Variants in HSP90AB1 observed in about 807,000 individuals in gnomAD.
The protein encoded by HSP90AB1 is heat shock protein HSP 90-beta.
In HSP90AB1, 17 loss-of-function variants were observed where a neutral mutation model predicts 67.8. The observed-to-expected ratio is 0.25, with a 90% CI of 0.17 to 0.38. The LOEUF is 0.38. Ranked by LOEUF, HSP90AB1 falls within the 10% of genes least tolerant of loss-of-function variation. HSP90AB1 has a pLI of 1.00. For synonymous variants in HSP90AB1, 390 were observed against 312.9 expected (o/e 1.25, Z -2.60); for missense variants, 690 against 899.9 (o/e 0.77, Z 2.98).
chr6:44,250,328 A>G lies in HSP90AB1; in HGVS notation c.686A>G (p.Glu229Gly), dbSNP rs1393855728. ...CGAGAGAAGGAAATTAGTGATGATGAGGCAGAGGAAGAGAAAGGTGAGAAA... is the reference window on the plus strand; with the variant it reads ...CGAGAGAAGGAAATTAGTGATGATGGGGCAGAGGAAGAGAAAGGTGAGAAA... ...KEREKEISDD[E>G]AEEEKGEKEE... is the part of the protein sequence containing the mutation. The change falls in exon 6 of 12, where the codon GAG becomes GGG. Residue 229 changes from glutamate to glycine, a missense_variant. Physicochemically the swap from Glu to Gly is moderately conservative, Grantham distance 98. Coordinates refer to ENST00000371646, the MANE Select transcript of HSP90AB1 (RefSeq NM_007355.4). The G allele has an allele frequency of 1.2e-6, 2 of 1,613,906 alleles. No individual in the cohort carries two copies. The highest frequency in any genetic ancestry group is 1.7e-6 in the Non-Finnish European group (2 of 1,179,888).
chr6:44,252,000 T>G lies in HSP90AB1; in HGVS notation c.1464T>G (p.Gly488=), dbSNP rs1256841186. The G allele has an allele frequency of 1.9e-6, 3 of 1,613,942 alleles. No individual in the cohort carries two copies. Among genetic ancestry groups the G allele is most frequent in the Non-Finnish European group, 2.5e-6 (3 of 1,180,006 alleles). The change falls in exon 10 of 12, where the codon GGT becomes GGG. Residue 488 remains glycine (G), a splice_region_variant and synonymous_variant. Coordinates refer to ENST00000371646, the MANE Select transcript of HSP90AB1 (RefSeq NM_007355.4). Reference sequence around the variant, plus strand: ...TGAGTTCATTTAATTACCCTACAGGTGAGAGCAAAGAGCAGGTGGCCAACT... The same window carrying G: ...TGAGTTCATTTAATTACCCTACAGGGGAGAGCAAAGAGCAGGTGGCCAACT... ...ETQKSIYYIT[G]ESKEQVANSA...
rs774647753 is a variant in HSP90AB1, at chr6:44,253,612, A to C, written c.*14A>C. 4.4e-6 allele frequency: 7 copies of C among 1,605,262 alleles called. No individual in the cohort carries two copies. The East Asian group carries it at 1.6e-4, about 36-fold the overall frequency. On this transcript the variant is annotated 3_prime_UTR_variant, in exon 12 of 12. Transcript: ENST00000371646. Reference sequence around the variant, plus strand: ...GAAGTCGATTAGGTTAGGAGTTCATAGTTGGAAAACTTGTGCCCTTGTATA... The same window carrying C: ...GAAGTCGATTAGGTTAGGAGTTCATCGTTGGAAAACTTGTGCCCTTGTATA...
At chr6:44,252,718 C>T (rs1440086272) in intron 10 of HSP90AB1, among the ~76,000 whole-genome samples, 2 of 151,910 alleles carry the variant, frequency 1.3e-5, no homozygotes, top group Non-Finnish European at 2.9e-5. Flanking sequence ...GGATGGTCTC[C>T]ATCTCCTGAC....
In HSP90AB1 at chr6:44,253,830, C is replaced by T. The variant is rs769829201; in HGVS notation, c.*232C>T. The stretch of plus-strand genomic sequence containing the variant: ...GTATTGTGGTTTATTTTATTTTCTT[C>T]ATTTTGTTCTGAAATTAAAGTATGC... On this transcript the variant is annotated 3_prime_UTR_variant, in exon 12 of 12. Transcript: ENST00000371646. The T allele has an allele frequency of 1.2e-5, 9 of 750,926 alleles. No homozygotes were observed. Among genetic ancestry groups the T allele is most frequent in the Non-Finnish European group, 2.0e-5 (8 of 400,408 alleles). 46.5% of individuals were successfully genotyped at this position (750,926 alleles called of 1,614,324 possible). A position where few individuals can be genotyped will look rare whatever the true frequency, so the allele number is the denominator to read the frequency against.
rs556413112 is a variant in HSP90AB1 at position 44,247,103 on chromosome 6, C to G, written c.-93C>G. On this transcript the variant is annotated 5_prime_UTR_variant, in exon 1 of 12. Coordinates refer to ENST00000371646, the MANE Select transcript of HSP90AB1 (RefSeq NM_007355.4). ...GCGACTTGGGGCACGCAGTAGCTCT[C>G]TCGAGTCACTCCGGCGCAGTGTTGG... 5.3e-5 allele frequency: 8 copies of G among 152,254 alleles called. No individual in the cohort carries two copies. The highest frequency in any genetic ancestry group is 1.9e-4 in the African/African-American group (8 of 41,444). The allele number at this position is 152,254 out of a possible 1,614,324, so 9.4% of individuals were successfully genotyped here.
intron 4 of HSP90AB1, 56 bp from the exon 5 acceptor site, chr6:44,249,965 G>C (rs1244633664): frequency 6.2e-7 from 1 of 1,603,906 alleles, no homozygotes; most frequent in Non-Finnish European, 8.5e-7. Context: ...ACTAATTGCT[G>C]GTCTCAACTG....
At position 44,250,293 on chromosome 6, in the gene HSP90AB1, G is replaced by A; in HGVS notation, c.651G>A (p.Leu217=). Residue 217 remains leucine, a splice_region_variant and synonymous_variant, in exon 6 of 12, where the codon TTG becomes TTA. Transcript: ENST00000371646. The stretch of plus-strand genomic sequence containing the variant: ...TAACTTCTGTTTTTGTTACTTAGTT[G>A]GAGAAGGAACGAGAGAAGGAAATTA... The part of the protein sequence containing the change: ...QFIGYPITLY[L]EKEREKEISD... 6.2e-7 allele frequency: 1 copy of A among 1,613,042 alleles called. No homozygotes were observed. Among genetic ancestry groups the A allele is most frequent in the East Asian group, 2.2e-5 (1 of 44,872 alleles).
intron 11 of HSP90AB1, 35 bp from the exon 12 acceptor site, chr6:44,253,454 T>C (rs1343953299): frequency 2.5e-6 from 4 of 1,606,492 alleles, no homozygotes; most frequent in Non-Finnish European, 3.4e-6. Context: ...TTAATGCTAT[T>C]TGGTCAAGTC....
intron 1 of HSP90AB1, chr6:44,247,821 G>A (rs1780121172): frequency 6.6e-6 from 1 of 152,246 alleles, no homozygotes; most frequent in Non-Finnish European, 1.5e-5. Context: ...TTCCTCGAGA[G>A]CTGAGATTGT....
intron 10 of HSP90AB1, among the ~76,000 whole-genome samples, chr6:44,252,706 C>CAGG (rs1780840070): frequency 6.6e-6 from 1 of 152,014 alleles, no homozygotes; most frequent in Non-Finnish European, 1.5e-5. Flanking sequence ...TCGCGTTAGC[C>CAGG]AGGATGGTCT....
rs1352113293 is a variant in HSP90AB1 at position 44,250,404 on chromosome 6, T to G, written c.762T>G (p.Gly254=). The G allele has an allele frequency of 6.2e-7, 1 of 1,613,492 alleles. No homozygotes were observed. Among genetic ancestry groups the G allele is most frequent in the Non-Finnish European group, 8.5e-7 (1 of 1,179,698 alleles). Residue 254 remains glycine, a synonymous_variant, in exon 6 of 12, where the codon GGT becomes GGG. Coordinates refer to ENST00000371646, the MANE Select transcript of HSP90AB1 (RefSeq NM_007355.4). ...DEEKPKIEDV[G]SDEEDDSGKD... is the part of the protein sequence containing the mutation. Reference sequence around the variant, plus strand: ...AAAAACCCAAGATCGAAGATGTGGGTTCAGATGAGGAGGATGACAGCGGTA... The same window carrying G: ...AAAAACCCAAGATCGAAGATGTGGGGTCAGATGAGGAGGATGACAGCGGTA...
chr6:44,251,507 C>A lies in HSP90AB1; in HGVS notation c.1213C>A (p.Arg405Ser). 1 of 1,611,766 alleles carries A rather than the reference C, an allele frequency of 6.2e-7. No individual in the cohort carries two copies. The highest frequency in any genetic ancestry group is 8.5e-7 in the Non-Finnish European group (1 of 1,178,298). ...GCAGAGCAAAATCTTGAAAGTCATT[C>A]GCAAAAACATTGTTAAGAAGTGCCT... ...LQQSKILKVI[R>S]KNIVKKCLEL... The change falls in exon 8 of 12, where the codon CGC becomes AGC. Residue 405 changes from arginine to serine, a missense_variant. Around this residue, in one of 7 missense-constraint regions of HSP90AB1, gnomAD observed 101 missense variants for 174.8 expected, o/e 0.58. Transcript: ENST00000371646.
chr6:44,249,963 C>T (rs1043718422), intron 4 of HSP90AB1, 58 bp from the exon 5 acceptor site: 12 of 1,600,850 alleles, frequency 7.5e-6, no homozygotes, highest in East Asian at 2.2e-5. Context: ...TTACTAATTG[C>T]TGGTCTCAAC....
rs368508616 is a variant in HSP90AB1 at position 44,252,093 on chromosome 6, G to A, written c.1557G>A (p.Glu519=). The A allele has an allele frequency of 6.2e-6, 10 of 1,614,042 alleles. No homozygotes were observed. In the African/African-American group the frequency reaches 1.1e-4, roughly 17 times the overall value. ...TATATATGACCGAGCCCATTGACGA[G>A]TACTGTGTGCAGCAGCTCAAGGAAT... The part of the protein sequence containing the change: ...EVVYMTEPID[E]YCVQQLKEFD... The change falls in exon 10 of 12, where the codon GAG becomes GAA. Residue 519 remains glutamate, a synonymous_variant. Coordinates refer to ENST00000371646, the MANE Select transcript of HSP90AB1 (RefSeq NM_007355.4).
At chr6:44,252,316 G>C (rs1379377818) in intron 10 of HSP90AB1, 49 bp downstream of exon 10, 1 of 1,549,164 alleles carries the variant, frequency 6.5e-7, no homozygotes, top group African/African-American at 1.4e-5. Flanking sequence ...TTCGAGGTGG[G>C]CTCCCTCACA....
chr6:44,247,461 T>C (rs1369741588), intron 1 of HSP90AB1, among the ~76,000 whole-genome samples: 1 of 151,942 alleles, frequency 6.6e-6, no homozygotes, highest in Non-Finnish European at 1.5e-5. Context: ...AGTGGGCGGC[T>C]GGCAGCTGCA....
Position 44,249,403 on chromosome 6 carries a change from C to A in HSP90AB1, c.174C>A (p.Ser58Arg), listed in dbSNP as rs1418103670. The A allele has an allele frequency of 6.2e-7, 1 of 1,613,764 alleles. No individual in the cohort carries two copies. Among genetic ancestry groups the A allele is most frequent in the African/African-American group, 1.3e-5 (1 of 74,904 alleles). The change falls in exon 3 of 12, where the codon AGC becomes AGA. Residue 58 changes from serine (S) to arginine (R), a missense_variant. Physicochemically the swap from Ser to Arg is moderately radical, Grantham distance 110. This residue lies in a region of HSP90AB1 where 88 missense variants were observed against 167.7 expected (regional missense o/e 0.52). Transcript: ENST00000371646. ...CCTTGGACAAGATTCGCTATGAGAG[C>A]CTGACAGACCCTTCGAAGTTGGACA... The part of the protein sequence containing the change: ...SDALDKIRYE[S>R]LTDPSKLDSG...
chr6:44,251,762 ACCG>A lies in HSP90AB1; in HGVS notation c.1349_1351del (p.Arg450del), dbSNP rs1324922713. ...CTTGGAATCCACGAAGACTCCACTA[ACCG>A]CCGCCGCCTGTCTGAGCTGCTGCGC... On this transcript the variant is annotated inframe_deletion, in exon 9 of 12. Coordinates refer to ENST00000371646, the MANE Select transcript of HSP90AB1 (RefSeq NM_007355.4). 6.2e-7 allele frequency: 1 copy of A among 1,613,404 alleles called. No individual in the cohort carries two copies. Among genetic ancestry groups the A allele is most frequent in the African/African-American group, 1.3e-5 (1 of 74,872 alleles).
intron 10 of HSP90AB1, 38 bp downstream of exon 10, chr6:44,252,305 C>T (rs367888235): frequency 8.8e-6 from 14 of 1,583,334 alleles, no homozygotes; most frequent in Middle Eastern, 1.7e-4. Flanking sequence ...TTTGTAACAT[C>T]TTCGAGGTGG....
Sources: allele counts gnomAD v4.1 joint callset (sites outside exome capture counted in the v4.1 genomes callset), GRCh38; gene constraint gnomAD v4.1.1; regional missense constraint gnomAD v4.1.1; transcripts MANE v1.5; gene names NCBI Gene and HGNC (gene_info 2026-07-23, HGNC 2026-07-21).